Variants in PRKN observed in about 807,000 individuals in gnomAD.
The protein encoded by PRKN is E3 ubiquitin-protein ligase parkin.
PRKN carries 56 observed loss-of-function variants against 59.5 expected under a neutral mutation model. That is an observed-to-expected ratio of 0.94 (90% CI 0.76 to 1.18). The LOEUF is 1.18. Among genes scored for constraint, PRKN ranks in the 50% most tolerant of loss-of-function variants. The pLI, the probability that PRKN is intolerant of heterozygous loss-of-function variation, is 0.00. For synonymous variants in PRKN, 250 were observed against 222.1 expected (o/e 1.13, Z -1.12); for missense variants, 657 against 596.4 (o/e 1.10, Z -1.06).
chr6:161,878,779 T>G (rs1794825017), intron 6 of PRKN, among the ~76,000 whole-genome samples: 1 of 152,182 alleles, frequency 6.6e-6, no homozygotes, highest in Non-Finnish European at 1.5e-5. Context: ...TGAACATATT[T>G]GTGAGATTTC....
At chr6:162,578,024 G>A (rs923023480) in intron 1 of PRKN, among the ~76,000 whole-genome samples, 3 of 152,158 alleles carry the variant, frequency 2.0e-5, no homozygotes, top group African/African-American at 4.8e-5. Flanking sequence ...TGATGAGGGT[G>A]TGCAAACATA....
intron 8 of PRKN, among the ~76,000 whole-genome samples, chr6:161,557,468 C>T (rs1780280014): frequency 6.6e-6 from 1 of 152,148 alleles, no homozygotes; most frequent in African/African-American, 2.4e-5. Context: ...GGCCAGTGAA[C>T]TTCCCCTTTC....
intron 2 of PRKN, among the ~76,000 whole-genome samples, chr6:162,364,015 C>T (rs57190343): frequency 0.11 from 16,311 of 152,228 alleles, 1,462 homozygotes; most frequent in East Asian, 0.47. Context: ...TCATTCCCTG[C>T]ACACAAGCTG....
intron 5 of PRKN, among the ~76,000 whole-genome samples, chr6:162,032,001 TG>T (rs1783661833): frequency 6.6e-6 from 1 of 152,210 alleles, no homozygotes; most frequent in Non-Finnish European, 1.5e-5. Flanking sequence ...AATTCAAAAT[TG>T]TTTACACCCT....
At chr6:162,504,326 AC>A (rs1201463613) in intron 1 of PRKN, among the ~76,000 whole-genome samples, 1 of 152,194 alleles carries the variant, frequency 6.6e-6, no homozygotes, top group East Asian at 1.9e-4. Flanking sequence ...ATAAGCCATG[AC>A]CCTGGAAGAC....
chr6:161,685,752 G>T (rs1014760239), intron 7 of PRKN, among the ~76,000 whole-genome samples: 1 of 152,156 alleles, frequency 6.6e-6, no homozygotes, highest in African/African-American at 2.4e-5. Context: ...GGATATGAGG[G>T]CAAAGGGTAT....
intron 1 of PRKN, among the ~76,000 whole-genome samples, chr6:162,716,288 G>T (rs936622627): frequency 6.6e-6 from 1 of 152,130 alleles, no homozygotes; most frequent in Non-Finnish European, 1.5e-5. Flanking sequence ...ACTGCCTCAA[G>T]AAACCAAATT....
intron 6 of PRKN, among the ~76,000 whole-genome samples, chr6:161,896,825 A>G (rs1191597262): frequency 6.6e-6 from 1 of 152,200 alleles, no homozygotes; most frequent in African/African-American, 2.4e-5. Context: ...AATGAAAAAA[A>G]AATTCCACTG....
intron 2 of PRKN, among the ~76,000 whole-genome samples, chr6:162,432,512 G>A (rs1004184352): frequency 6.6e-6 from 1 of 150,854 alleles, no homozygotes; most frequent in South Asian, 2.1e-4. Context: ...GCAACAAAGC[G>A]AGACACCGTC....
At chr6:162,233,897 T>C (rs564055393) in intron 3 of PRKN, among the ~76,000 whole-genome samples, 2 of 152,216 alleles carry the variant, frequency 1.3e-5, no homozygotes, top group Non-Finnish European at 2.9e-5. Flanking sequence ...CAGATGCCGG[T>C]GGCATGCTCT....
intron 4 of PRKN, among the ~76,000 whole-genome samples, chr6:162,175,949 C>A (rs910967319): frequency 6.6e-6 from 1 of 152,194 alleles, no homozygotes; most frequent in African/African-American, 2.4e-5. Context: ...ATGTAGCCTT[C>A]ACTGACAGAA....
intron 9 of PRKN, among the ~76,000 whole-genome samples, chr6:161,392,429 C>T (rs1346168076): frequency 6.6e-6 from 1 of 151,794 alleles, no homozygotes; most frequent in Non-Finnish European, 1.5e-5. Context: ...ACTTTATTCC[C>T]AATCTTTTGC....
rs867075124 is a variant in PRKN at position 161,526,648 on chromosome 6, C to A, written c.1083+22206G>T. Reference sequence around the variant, plus strand: ...CAGTAATTGCTACATGAGGAGCAAACCCTCTGATATAATTTTACATTTACT... The same window carrying A: ...CAGTAATTGCTACATGAGGAGCAAAACCTCTGATATAATTTTACATTTACT... On this transcript the variant is annotated intron_variant, in intron 9 of 11. Coordinates refer to ENST00000366898, the MANE Select transcript of PRKN (RefSeq NM_004562.3). This position sits in a 1 kb window ranked among gnomAD's most constrained non-coding sequence, Gnocchi z 4.1. Among the ~76,000 whole-genome samples, 1 of 151,334 alleles carries A rather than the reference C, an allele frequency of 6.6e-6. No individual in the cohort carries two copies. The highest frequency in any genetic ancestry group is 1.5e-5 in the Non-Finnish European group (1 of 67,844).
intron 2 of PRKN, among the ~76,000 whole-genome samples, chr6:162,385,448 C>T (rs538459209): frequency 6.6e-6 from 1 of 152,302 alleles, no homozygotes; most frequent in African/African-American, 2.4e-5. Context: ...ATATCATTAA[C>T]GGCTTGTAGA....
chr6:162,715,255 C>T (rs575539448), intron 1 of PRKN, among the ~76,000 whole-genome samples: 165 of 152,256 alleles, frequency 1.1e-3, no homozygotes, highest in Non-Finnish European at 1.7e-3. Context: ...GAAGACAAAC[C>T]GGAGGCAAGG....
At position 162,299,345 on chromosome 6, in the gene PRKN, C is replaced by T. The variant is rs112248748; in HGVS notation, c.172-36580G>A. Among the ~76,000 whole-genome samples, 162 of 152,230 alleles carry T rather than the reference C, an allele frequency of 1.1e-3. 1 individual carries two copies. The highest frequency in any genetic ancestry group is 3.4e-3 in the Middle Eastern group (1 of 294). The stretch of plus-strand genomic sequence containing the variant: ...AATCTGAAACGCTTGAGTGTCTCTC[C>T]CGGTGGGTAAGATTCTGGTTTTTAC... On this transcript the variant is annotated intron_variant, in intron 2 of 11. Coordinates refer to ENST00000366898, the MANE Select transcript of PRKN (RefSeq NM_004562.3).
intron 1 of PRKN, among the ~76,000 whole-genome samples, chr6:162,622,032 T>TG (rs552277965): frequency 3.9e-5 from 6 of 151,912 alleles, no homozygotes; most frequent in Non-Finnish European, 8.8e-5. Flanking sequence ...AGGCTTGTCT[T>TG]GAACTCCTAA....
intron 1 of PRKN, among the ~76,000 whole-genome samples, chr6:162,519,146 G>A (rs1466490254): frequency 5.9e-5 from 9 of 152,016 alleles, no homozygotes; most frequent in Admixed American, 5.2e-4. Flanking sequence ...CTCCAGCCTG[G>A]GCAACAAGAG....
At chr6:161,496,900 C>T (rs905263689) in intron 9 of PRKN, among the ~76,000 whole-genome samples, 4 of 152,212 alleles carry the variant, frequency 2.6e-5, no homozygotes, top group Non-Finnish European at 5.9e-5. Flanking sequence ...AGGGATTCTT[C>T]CCCATGGGTT....
Sources: allele counts gnomAD v4.1 joint callset (sites outside exome capture counted in the v4.1 genomes callset), GRCh38; gene constraint gnomAD v4.1.1; non-coding constraint Gnocchi (gnomAD v3.1); transcripts MANE v1.5; gene names NCBI Gene and HGNC (gene_info 2026-07-23, HGNC 2026-07-21).